CDKAL1: variants seen among roughly 807,000 people sequenced by gnomAD.
The protein encoded by CDKAL1 is CDKAL1 threonylcarbamoyladenosine tRNA methylthiotransferase, also known as threonylcarbamoyladenosine tRNA methylthiotransferase.
Under a neutral mutation model 68.2 loss-of-function variants are expected in CDKAL1, and 32 were observed. The observed-to-expected ratio is 0.47, with a 90% CI of 0.35 to 0.63. The LOEUF (loss-of-function observed/expected upper bound fraction) is 0.63. CDKAL1 is among the 30% of genes least tolerant of loss of function. The pLI is 0.00. For missense variants in CDKAL1, 606 were observed against 696.7 expected (o/e 0.87, Z 1.47); for synonymous variants, 234 against 244.3 (o/e 0.96, Z 0.39).
At chr6:20,907,077 C>G (rs1013708776) in intron 9 of CDKAL1, among the ~76,000 whole-genome samples, 2 of 151,892 alleles carry the variant, frequency 1.3e-5, no homozygotes, top group Non-Finnish European at 2.9e-5. Flanking sequence ...TGAGAGTAGA[C>G]GGAATTGGGG....
chr6:20,792,176 C>T (rs181413008), intron 8 of CDKAL1, among the ~76,000 whole-genome samples: 41 of 152,100 alleles, frequency 2.7e-4, no homozygotes, highest in African/African-American at 8.9e-4. Flanking sequence ...TTATTTTTTT[C>T]TAACCCTGAC....
At chr6:20,968,028 G>A (rs1473475682) in intron 10 of CDKAL1, among the ~76,000 whole-genome samples, 22 of 152,046 alleles carry the variant, frequency 1.4e-4, no homozygotes, top group South Asian at 1.2e-3. Flanking sequence ...GTCAGGATTC[G>A]CTTTTTGTCT....
At chr6:20,914,504 A>T (rs377148651) in intron 9 of CDKAL1, among the ~76,000 whole-genome samples, 4 of 152,096 alleles carry the variant, frequency 2.6e-5, no homozygotes, top group South Asian at 4.2e-4. Context: ...ACCCTAGCTA[A>T]GTGTAGATTT....
intron 4 of CDKAL1, among the ~76,000 whole-genome samples, chr6:20,595,843 G>A (rs188354853): frequency 8.0e-4 from 121 of 152,138 alleles, no homozygotes; most frequent in African/African-American, 2.8e-3. Flanking sequence ...GTTCACCTTC[G>A]GATGGGGTCT....
chr6:20,701,684 C>T (rs1475528767), intron 5 of CDKAL1, among the ~76,000 whole-genome samples: 1 of 152,096 alleles, frequency 6.6e-6, no homozygotes, highest in Non-Finnish European at 1.5e-5. Context: ...TCCCCTTCAC[C>T]ATTAGGGAAA....
intron 8 of CDKAL1, among the ~76,000 whole-genome samples, chr6:20,808,584 G>A (rs1776668475): frequency 6.6e-6 from 1 of 152,016 alleles, no homozygotes; most frequent in African/African-American, 2.4e-5. Context: ...TTGGTAGTGG[G>A]ACAAAGATAA....
intron 8 of CDKAL1, among the ~76,000 whole-genome samples, chr6:20,827,536 C>CTT (rs1777548197): frequency 6.6e-6 from 1 of 151,968 alleles, no homozygotes; most frequent in Non-Finnish European, 1.5e-5. Flanking sequence ...TTCTATAACT[C>CTT]TTAAGAGATG....
intron 13 of CDKAL1, among the ~76,000 whole-genome samples, chr6:21,155,962 G>A (rs891840132): frequency 2.0e-5 from 3 of 152,146 alleles, no homozygotes; most frequent in Admixed American, 6.5e-5. Flanking sequence ...AATAAATGTT[G>A]CATTCATATG....
chr6:20,834,126 CTGTT>C lies in CDKAL1; in HGVS notation c.639-11944_639-11941del, dbSNP rs2150469770. The stretch of plus-strand genomic sequence containing the variant: ...TAAGTGGACTAAGTGGAATATCAGT[CTGTT>C]TGTTATGGTCAGTTCCATTTACGGT... On this transcript the variant is annotated intron_variant, in intron 8 of 15. Transcript: ENST00000274695. 2.0e-5 allele frequency among the ~76,000 whole-genome samples: 3 copies of C among 152,260 alleles called. No individual in the cohort carries two copies. In the South Asian group the frequency reaches 6.2e-4, roughly 32 times the overall value.
chr6:21,080,673 T>C (rs936200854), intron 12 of CDKAL1, among the ~76,000 whole-genome samples: 9 of 152,040 alleles, frequency 5.9e-5, no homozygotes, highest in African/African-American at 2.2e-4. Context: ...GGCCCAACTT[T>C]TTGTTTAGCC....
At chr6:20,789,346 A>G (rs1284082412) in intron 8 of CDKAL1, among the ~76,000 whole-genome samples, 2 of 152,216 alleles carry the variant, frequency 1.3e-5, no homozygotes, top group Admixed American at 6.5e-5. Context: ...GGAACAGTGG[A>G]TGGCACTATA....
intron 5 of CDKAL1, among the ~76,000 whole-genome samples, chr6:20,717,336 T>C (rs1772146317): frequency 6.6e-6 from 1 of 151,794 alleles, no homozygotes; most frequent in African/African-American, 2.4e-5. Context: ...TGATCCATTA[T>C]AGAGGAAAAA....
chr6:21,090,497 T>C (rs997276861), intron 12 of CDKAL1, among the ~76,000 whole-genome samples: 2 of 152,224 alleles, frequency 1.3e-5, no homozygotes, highest in African/African-American at 2.4e-5. Flanking sequence ...AAACCTGAGT[T>C]GTAACATTCT....
At position 20,579,233 on chromosome 6, in the gene CDKAL1, C is replaced by T. The variant is rs150220818; in HGVS notation, c.286+30528C>T. ...ACCTGAAGTGATCCACCTGCTTCAG[C>T]CTCCCAAAGCACTGGGATTACAGAT... On this transcript the variant is annotated intron_variant, in intron 4 of 15. Transcript: ENST00000274695. Among the ~76,000 whole-genome samples, 593 of 152,182 alleles carry T rather than the reference C, an allele frequency of 3.9e-3. 1 individual carries two copies. Among genetic ancestry groups the T allele is most frequent in the Non-Finnish European group, 6.5e-3 (445 of 68,016 alleles).
chr6:21,116,164 T>G lies in CDKAL1; in HGVS notation c.1299+7701T>G, dbSNP rs562949714. ...GCATTATTCTAAAAATTAAGCATGA[T>G]TTTTTACATATCAGTTTAACTTATT... On this transcript the variant is annotated intron_variant, in intron 13 of 15. Coordinates refer to ENST00000274695, the MANE Select transcript of CDKAL1 (RefSeq NM_017774.3). 9.2e-5 allele frequency among the ~76,000 whole-genome samples: 14 copies of G among 152,316 alleles called. No individual in the cohort carries two copies. In the East Asian group the frequency reaches 2.7e-3, roughly 29 times the overall value.
At chr6:21,069,174 T>C (rs1369082201) in intron 12 of CDKAL1, among the ~76,000 whole-genome samples, 1 of 152,214 alleles carries the variant, frequency 6.6e-6, no homozygotes, top group African/African-American at 2.4e-5. Context: ...TTTCTTATCT[T>C]ACTATACTGG....
chr6:21,197,957 T>C, intron 13 of CDKAL1, 64 bp from the exon 14 acceptor site: 2 of 1,020,472 alleles, frequency 2.0e-6, no homozygotes, highest in Non-Finnish European at 2.9e-6. Context: ...CCTTTATTTT[T>C]ATTTTTGGAT....
chr6:21,070,035 C>G (rs1771685769), intron 12 of CDKAL1, among the ~76,000 whole-genome samples: 2 of 151,988 alleles, frequency 1.3e-5, no homozygotes, highest in South Asian at 4.2e-4. Context: ...TGTGATCCAC[C>G]CGCCTCAGCC....
At chr6:21,061,249 T>G (rs1295376492) in intron 11 of CDKAL1, among the ~76,000 whole-genome samples, 1 of 152,122 alleles carries the variant, frequency 6.6e-6, no homozygotes, top group Non-Finnish European at 1.5e-5. Context: ...TCTTACTCCA[T>G]TCCCAAGCTA....
Sources: gnomAD v4.1 joint callset for allele counts (sites outside exome capture counted in the v4.1 genomes callset) on GRCh38, gnomAD v4.1.1 for gene constraint, MANE v1.5 for transcripts, NCBI Gene and HGNC (gene_info 2026-07-23, HGNC 2026-07-21) for gene names.